Variants in BAZ1B observed in about 807,000 individuals in gnomAD.
BAZ1B encodes the protein tyrosine-protein kinase BAZ1B.
A neutral mutation model predicts 153.8 loss-of-function variants in BAZ1B; 22 were observed. The observed-to-expected ratio is 0.14, with a 90% CI of 0.10 to 0.20. BAZ1B has a LOEUF of 0.20. Ranked by LOEUF, BAZ1B falls within the 10% of genes least tolerant of loss-of-function variation. BAZ1B has a pLI of 1.00. For synonymous variants in BAZ1B, 676 were observed against 633.4 expected, an observed-to-expected ratio of 1.07 and a Z score of -1.01; for missense variants, 1,325 against 1,799.3, an observed-to-expected ratio of 0.74 and a Z score of 4.77.
chr7:73,464,904 G>GT (rs34551438), intron 11 of BAZ1B, among the ~76,000 whole-genome samples: 1,785 of 144,484 alleles, frequency 0.012, 26 homozygotes, highest in African/African-American at 0.037. Flanking sequence ...TTTTTGTTTT[G>GT]TTTTTTTTTT....
At chr7:73,509,856 G>C (rs1405931920) in intron 2 of BAZ1B, among the ~76,000 whole-genome samples, 1 of 152,044 alleles carries the variant, frequency 6.6e-6, no homozygotes, top group Non-Finnish European at 1.5e-5. Flanking sequence ...GTTGGGTGCA[G>C]TGGTTCACGC....
At chr7:73,453,346 C>T (rs1227153878) in intron 13 of BAZ1B, among the ~76,000 whole-genome samples, 8 of 152,254 alleles carry the variant, frequency 5.3e-5, no homozygotes, top group Non-Finnish European at 1.0e-4. Context: ...TTTTCCTCCC[C>T]AACTAAGCTA....
chr7:73,459,163 G>C (rs11983423), intron 13 of BAZ1B, among the ~76,000 whole-genome samples: 9 of 151,566 alleles, frequency 5.9e-5, no homozygotes, highest in African/African-American at 1.9e-4. Context: ...CAGGAGAATC[G>C]CTTGAACCTG....
intron 13 of BAZ1B, among the ~76,000 whole-genome samples, chr7:73,455,794 A>C (rs1788175881): frequency 6.6e-6 from 1 of 152,140 alleles, no homozygotes; most frequent in African/African-American, 2.4e-5. Flanking sequence ...AACGCAATAA[A>C]ATCAGAAAAG....
intron 16 of BAZ1B, among the ~76,000 whole-genome samples, chr7:73,444,688 A>T (rs1017229640): frequency 6.6e-6 from 1 of 152,174 alleles, no homozygotes; most frequent in Non-Finnish European, 1.5e-5. Context: ...AGTCCCCTCC[A>T]TAAGAGCCCT....
intron 18 of BAZ1B, 51 bp from the exon 19 acceptor site, chr7:73,442,604 C>A: frequency 6.4e-7 from 1 of 1,557,542 alleles, no homozygotes. Context: ...CGGCAGTGCC[C>A]CTGCCACTGA....
intron 7 of BAZ1B, among the ~76,000 whole-genome samples, chr7:73,474,543 G>A (rs1431217006): frequency 6.6e-6 from 1 of 152,216 alleles, no homozygotes; most frequent in African/African-American, 2.4e-5. Flanking sequence ...GGGAGGCCAA[G>A]GCGTGCGGAT....
chr7:73,483,339 T>C (rs2116358172), intron 6 of BAZ1B, among the ~76,000 whole-genome samples: 1 of 152,270 alleles, frequency 6.6e-6, no homozygotes, highest in Non-Finnish European at 1.5e-5. Context: ...CAATATAATC[T>C]AGGCAGCAAA....
At chr7:73,447,599 CACAG>C (rs1787885313) in intron 15 of BAZ1B, among the ~76,000 whole-genome samples, 1 of 152,262 alleles carries the variant, frequency 6.6e-6, no homozygotes, top group East Asian at 1.9e-4. Flanking sequence ...TCTGCCAGGC[CACAG>C]ACAGTTTGGA....
intron 6 of BAZ1B, among the ~76,000 whole-genome samples, chr7:73,487,789 A>G (rs1239427143): frequency 6.6e-6 from 1 of 152,208 alleles, no homozygotes; most frequent in Non-Finnish European, 1.5e-5. Flanking sequence ...TTATAGTTCC[A>G]TGGAAAATTT....
At chr7:73,492,142 G>A (rs911451106) in intron 5 of BAZ1B, among the ~76,000 whole-genome samples, 1 of 151,582 alleles carries the variant, frequency 6.6e-6, no homozygotes, top group Non-Finnish European at 1.5e-5. Flanking sequence ...ATAGGCGTGC[G>A]CCACCACACC....
At chr7:73,511,617 G>A (rs1057167682) in intron 1 of BAZ1B, among the ~76,000 whole-genome samples, 3 of 151,904 alleles carry the variant, frequency 2.0e-5, no homozygotes, top group African/African-American at 7.3e-5. Flanking sequence ...CAAGACTTAC[G>A]CTGTACCAAA....
chr7:73,521,936 C>A lies in BAZ1B; in HGVS notation c.-3G>T. The A allele has an allele frequency of 1.4e-6, 2 of 1,433,274 alleles. No homozygotes were observed. Among genetic ancestry groups the A allele is most frequent in the African/African-American group, 1.5e-5 (1 of 66,780 alleles). The allele number at this position is 1,433,274 out of a possible 1,614,324, so 88.8% of individuals were successfully genotyped here. A position where few individuals can be genotyped will look rare whatever the true frequency, so the allele number is the denominator to read the frequency against. On this transcript the variant is annotated 5_prime_UTR_variant, in exon 1 of 20. Coordinates refer to ENST00000339594, the MANE Select transcript of BAZ1B (RefSeq NM_032408.4). ...TTGCGGCCCAGGAGCGGCGCCATCGCGGCGGCGGCGGTGGGGACTGGCGGC... is the reference window on the plus strand; with the variant it reads ...TTGCGGCCCAGGAGCGGCGCCATCGAGGCGGCGGCGGTGGGGACTGGCGGC...
chr7:73,500,446 G>C (rs1563396128), intron 3 of BAZ1B, among the ~76,000 whole-genome samples: 1 of 152,168 alleles, frequency 6.6e-6, no homozygotes, highest in Non-Finnish European at 1.5e-5. Context: ...GGGAGGCTGA[G>C]GTAAGGGGAT....
At chr7:73,446,071 TG>T (rs1195087543) in intron 16 of BAZ1B, among the ~76,000 whole-genome samples, 6 of 151,898 alleles carry the variant, frequency 4.0e-5, no homozygotes, top group East Asian at 3.9e-4. Context: ...CTCTGAAGTA[TG>T]GGGGGGAAAG....
intron 2 of BAZ1B, 100 bp downstream of exon 2, chr7:73,510,636 G>A (rs1583954477): frequency 8.9e-7 from 1 of 1,128,228 alleles, no homozygotes; most frequent in South Asian, 1.4e-5. Flanking sequence ...TCTAATTTGT[G>A]CCCCATAAAC....
rs533548145 is a variant in BAZ1B at position 73,466,171 on chromosome 7, A to G, written c.2972+125T>C. The G allele has an allele frequency of 2.4e-5, 16 of 670,102 alleles. No individual in the cohort carries two copies. The South Asian group carries it at 3.3e-4, about 14-fold the overall frequency. The allele number at this position is 670,102 out of a possible 1,614,324, so 41.5% of individuals were successfully genotyped here. A position where few individuals can be genotyped will look rare whatever the true frequency, so the allele number is the denominator to read the frequency against. On this transcript the variant is annotated intron_variant, in intron 10 of 19. Transcript: ENST00000339594. ...AATGCAAGAAGTTTTGATATCCAAA[A>G]TATCAGTCACACAAAGTATCCTGCG...
intron 3 of BAZ1B, among the ~76,000 whole-genome samples, chr7:73,507,502 C>T (rs1583949763): frequency 6.6e-6 from 1 of 151,882 alleles, no homozygotes; most frequent in African/African-American, 2.4e-5. Context: ...GAGCCAAGAT[C>T]GCGAAACTGC....
chr7:73,477,541 G>A lies in BAZ1B; in HGVS notation c.1920C>T (p.Ala640=). Reference sequence around the variant, plus strand: ...AAAAGCCACCCTTATCTGCACTCAAGGCTTCCATAAGGGACACAGCAGTAA... The same window carrying A: ...AAAAGCCACCCTTATCTGCACTCAAAGCTTCCATAAGGGACACAGCAGTAA... ...YPITAVSLME[A]LSADKGGFLY... is the part of the protein sequence containing the mutation. Residue 640 remains alanine (A), a synonymous_variant, in exon 7 of 20, where the codon GCC becomes GCT. Coordinates refer to ENST00000339594, the MANE Select transcript of BAZ1B (RefSeq NM_032408.4). The surrounding 1 kb of genome is among the most constrained non-coding windows in gnomAD (Gnocchi z 5.6). 1 of 1,614,194 alleles carries A rather than the reference G, an allele frequency of 6.2e-7. No homozygotes were observed.
Sources: allele counts gnomAD v4.1 joint callset (sites outside exome capture counted in the v4.1 genomes callset), GRCh38; gene constraint gnomAD v4.1.1; non-coding constraint Gnocchi (gnomAD v3.1); transcripts MANE v1.5; gene names NCBI Gene and HGNC (gene_info 2026-07-23, HGNC 2026-07-21).